The following GRID2 variants were observed in gnomAD, a reference collection of about 807,000 sequenced individuals.
GRID2 encodes glutamate receptor ionotropic, delta-2.
GRID2 carries 33 observed loss-of-function variants against 114.8 expected under a neutral mutation model. The ratio of observed to expected loss-of-function variants is 0.29; its 90% confidence interval spans 0.22 to 0.38. The LOEUF (loss-of-function observed/expected upper bound fraction) is 0.38. Ranked by LOEUF, GRID2 falls within the 10% of genes least tolerant of loss-of-function variation. The pLI is 1.00. For missense variants in GRID2, 1,184 were observed against 1,257.7 expected (o/e 0.94, Z 0.89); for synonymous variants, 505 against 449.9 (o/e 1.12, Z -1.55).
In GRID2 at chr4:93,509,162, C is replaced by T. The variant is rs141213254; in HGVS notation, c.1998-6054C>T. ...TTGCATATCAGAAAGAACAGTTTAG[C>T]TGTGCTAAAGAATGGATTAGTGGTG... On this transcript the variant is annotated intron_variant, in intron 12 of 15. Coordinates refer to ENST00000282020, the MANE Select transcript of GRID2 (RefSeq NM_001510.4). Among the ~76,000 whole-genome samples, 24 of 152,238 alleles carry T rather than the reference C, an allele frequency of 1.6e-4. No homozygotes were observed. In the East Asian group the frequency reaches 4.6e-3, roughly 29 times the overall value.
chr4:92,875,594 C>A (rs750203379), intron 2 of GRID2, among the ~76,000 whole-genome samples: 1 of 151,956 alleles, frequency 6.6e-6, no homozygotes, highest in Non-Finnish European at 1.5e-5. Context: ...ATAGCTAATT[C>A]TTTTAGAATA....
rs559944478 is a variant in GRID2, at chr4:92,400,624, G to T, written c.88+95880G>T. Among the ~76,000 whole-genome samples the T allele has an allele frequency of 7.9e-5, 12 of 152,042 alleles. No homozygotes were observed. In the East Asian group the frequency reaches 2.3e-3, roughly 29 times the overall value. On this transcript the variant is annotated intron_variant, in intron 1 of 15. Transcript: ENST00000282020. ...TTTCAATTACCTTACCTTACACCTG[G>T]GAGTGAAATTGCTGGGTTCTATGAT... is the stretch of plus-strand genomic sequence containing the variant.
chr4:93,480,345 G>A (rs778576809), intron 11 of GRID2, among the ~76,000 whole-genome samples: 65 of 151,984 alleles, frequency 4.3e-4, no homozygotes, highest in Non-Finnish European at 5.7e-4. Flanking sequence ...TATATACACT[G>A]GGTTAGTTCT....
chr4:93,742,749 C>A (rs1731524489), intron 14 of GRID2, among the ~76,000 whole-genome samples: 1 of 152,088 alleles, frequency 6.6e-6, no homozygotes, highest in Non-Finnish European at 1.5e-5. Flanking sequence ...GTTCTGACTG[C>A]CCCACTCACG....
chr4:93,150,907 A>T (rs2149396803), intron 4 of GRID2, among the ~76,000 whole-genome samples: 1 of 152,022 alleles, frequency 6.6e-6, no homozygotes, highest in Non-Finnish European at 1.5e-5. Context: ...TGGGAGGATC[A>T]CTTGAGGTTA....
rs550765430 is a variant in GRID2, at chr4:93,557,158, C to T, written c.2193+41747C>T. 9.9e-5 allele frequency among the ~76,000 whole-genome samples: 15 copies of T among 152,224 alleles called. No individual in the cohort carries two copies. The South Asian group carries it at 2.9e-3, about 29-fold the overall frequency. ...AAACATACCAAATTGTAAAGACCAT[C>T]GACACTATGAAGAAACTGCATCAAC... On this transcript the variant is annotated intron_variant, in intron 13 of 15. Coordinates refer to ENST00000282020, the MANE Select transcript of GRID2 (RefSeq NM_001510.4).
At chr4:93,313,654 A>G (rs1452790890) in intron 8 of GRID2, among the ~76,000 whole-genome samples, 1 of 152,190 alleles carries the variant, frequency 6.6e-6, no homozygotes, top group Non-Finnish European at 1.5e-5. Flanking sequence ...GTTTTATGCT[A>G]AGTACTAGTA....
At chr4:92,472,920 G>T (rs1211570721) in intron 1 of GRID2, among the ~76,000 whole-genome samples, 2 of 152,014 alleles carry the variant, frequency 1.3e-5, no homozygotes, top group African/African-American at 4.8e-5. Context: ...TTTTGATGAA[G>T]TCCATTTCAT....
chr4:92,917,338 T>C (rs1329032991), intron 2 of GRID2, among the ~76,000 whole-genome samples: 1 of 152,182 alleles, frequency 6.6e-6, no homozygotes, highest in East Asian at 1.9e-4. Context: ...GTAGTTTCTT[T>C]TGCTGTGCAG....
intron 1 of GRID2, among the ~76,000 whole-genome samples, chr4:92,422,487 G>C (rs1292532370): frequency 1.3e-5 from 2 of 152,166 alleles, no homozygotes; most frequent in East Asian, 3.9e-4. Flanking sequence ...AGGAATCAGA[G>C]ATTTTAAGGA....
chr4:93,141,691 T>C (rs1735782475), intron 4 of GRID2, among the ~76,000 whole-genome samples: 1 of 152,228 alleles, frequency 6.6e-6, no homozygotes, highest in Non-Finnish European at 1.5e-5. Context: ...TCTGAGGAAA[T>C]ACATTTTTAC....
At chr4:92,547,167 T>G (rs1449536194) in intron 1 of GRID2, among the ~76,000 whole-genome samples, 1 of 152,200 alleles carries the variant, frequency 6.6e-6, no homozygotes, top group Non-Finnish European at 1.5e-5. Context: ...ACAATGTTTC[T>G]AATGAGCTAT....
At chr4:93,266,475 C>G (rs1291317880) in intron 8 of GRID2, among the ~76,000 whole-genome samples, 1 of 152,144 alleles carries the variant, frequency 6.6e-6, no homozygotes, top group Non-Finnish European at 1.5e-5. Flanking sequence ...CCCTCCCACA[C>G]ACACATACAC....
intron 14 of GRID2, among the ~76,000 whole-genome samples, chr4:93,723,166 A>G (rs1307735448): frequency 6.6e-6 from 1 of 152,204 alleles, no homozygotes; most frequent in Admixed American, 6.6e-5. Context: ...ATAGTGTTTT[A>G]TACCTGTTGC....
At chr4:93,081,017 GC>G (rs1729811209) in intron 2 of GRID2, among the ~76,000 whole-genome samples, 1 of 152,098 alleles carries the variant, frequency 6.6e-6, no homozygotes, top group South Asian at 2.1e-4. Context: ...GAAAGGTAGT[GC>G]CCCCATGACC....
chr4:92,653,901 T>C (rs1249574676), intron 2 of GRID2, among the ~76,000 whole-genome samples: 1 of 152,118 alleles, frequency 6.6e-6, no homozygotes, highest in Non-Finnish European at 1.5e-5. Context: ...ATTAGGATGG[T>C]TAACCTCTGT....
intron 1 of GRID2, among the ~76,000 whole-genome samples, chr4:92,469,794 A>C (rs1431220393): frequency 1.3e-5 from 2 of 151,988 alleles, no homozygotes; most frequent in Non-Finnish European, 2.9e-5. Flanking sequence ...TTAAGAGTTG[A>C]TGAGAGATAC....
At chr4:93,051,315 A>T (rs750859891) in intron 2 of GRID2, among the ~76,000 whole-genome samples, 1 of 152,058 alleles carries the variant, frequency 6.6e-6, no homozygotes, top group Non-Finnish European at 1.5e-5. Context: ...AGAGACTCTG[A>T]ATTTAAGTTT....
intron 2 of GRID2, among the ~76,000 whole-genome samples, chr4:92,804,659 A>C (rs1397499501): frequency 6.6e-6 from 1 of 152,030 alleles, no homozygotes; most frequent in African/African-American, 2.4e-5. Flanking sequence ...TATTCTCTAG[A>C]TATAAATGAG....
Sources: gnomAD v4.1 joint callset for allele counts (sites outside exome capture counted in the v4.1 genomes callset) on GRCh38, gnomAD v4.1.1 for gene constraint, MANE v1.5 for transcripts, NCBI Gene and HGNC (gene_info 2026-07-23, HGNC 2026-07-21) for gene names.